The following IQCJ variants were observed in gnomAD, a reference collection of about 807,000 sequenced individuals.
IQCJ encodes IQ domain-containing protein J.
Under a neutral mutation model 11.0 loss-of-function variants are expected in IQCJ, and 9 were observed. The observed-to-expected ratio is 0.82, with a 90% CI of 0.49 to 1.43. IQCJ has a LOEUF of 1.43. Ranked by LOEUF, IQCJ falls within the 40% of genes most tolerant of loss-of-function variation. The pLI is 0.00. For missense variants in IQCJ, 146 were observed against 133.2 expected, an observed-to-expected ratio of 1.10 and a Z score of -0.47; for synonymous variants, 55 against 51.3, an observed-to-expected ratio of 1.07 and a Z score of -0.31.
At chr3:159,132,344 G>A (rs141272170) in intron 1 of IQCJ, among the ~76,000 whole-genome samples, 1 of 152,248 alleles carries the variant, frequency 6.6e-6, no homozygotes, top group African/African-American at 2.4e-5. Context: ...CTTCTCCCAC[G>A]ATATCCAGGC....
chr3:159,209,315 G>A (rs1241538162), intron 1 of IQCJ, among the ~76,000 whole-genome samples: 1 of 152,156 alleles, frequency 6.6e-6, no homozygotes, highest in African/African-American at 2.4e-5. Context: ...AGATGGCTGG[G>A]CTTCAGGGAA....
intron 1 of IQCJ, among the ~76,000 whole-genome samples, chr3:159,089,942 G>A (rs1308716831): frequency 1.3e-5 from 2 of 151,876 alleles, no homozygotes; most frequent in Admixed American, 1.3e-4. Flanking sequence ...TCTCCATCCA[G>A]CTTTGTTCTG....
At chr3:159,190,249 C>G (rs1471298924) in intron 1 of IQCJ, among the ~76,000 whole-genome samples, 1 of 152,190 alleles carries the variant, frequency 6.6e-6, no homozygotes, top group African/African-American at 2.4e-5. Flanking sequence ...ATCCTGGGAT[C>G]TTGCAGTTCT....
At chr3:159,245,340 A>T (rs1727195661) in intron 1 of IQCJ, among the ~76,000 whole-genome samples, 2 of 152,076 alleles carry the variant, frequency 1.3e-5, no homozygotes, top group African/African-American at 4.8e-5. Flanking sequence ...GATAGGAAAC[A>T]TTAGTGAGTA....
chr3:159,126,659 T>A (rs1297289469), intron 1 of IQCJ, among the ~76,000 whole-genome samples: 2 of 152,252 alleles, frequency 1.3e-5, no homozygotes, highest in Non-Finnish European at 2.9e-5. Context: ...ATGTTTCCTC[T>A]TAGGGAATTT....
intron 1 of IQCJ, among the ~76,000 whole-genome samples, chr3:159,122,865 C>T (rs140801155): frequency 2.3e-3 from 355 of 152,238 alleles, no homozygotes; most frequent in African/African-American, 8.3e-3. Context: ...GTTCATCTTT[C>T]TGCATTTTAA....
chr3:159,086,433 GT>G (rs998032719), intron 1 of IQCJ, among the ~76,000 whole-genome samples: 1 of 152,176 alleles, frequency 6.6e-6, no homozygotes, highest in Non-Finnish European at 1.5e-5. Context: ...CTTTAAAGTA[GT>G]TTTTTCCAAT....
intron 1 of IQCJ, among the ~76,000 whole-genome samples, chr3:159,126,960 C>T (rs1290862458): frequency 6.6e-6 from 1 of 152,162 alleles, no homozygotes; most frequent in East Asian, 1.9e-4. Context: ...TGGTTGACAT[C>T]CCCTTGCTGG....
chr3:159,128,923 T>C (rs1035795131), intron 1 of IQCJ, among the ~76,000 whole-genome samples: 2 of 152,206 alleles, frequency 1.3e-5, no homozygotes, highest in Admixed American at 1.3e-4. Context: ...TTCCTGTTTC[T>C]GTCTTTGCTC....
At chr3:159,180,765 T>C (rs1723049411) in intron 1 of IQCJ, among the ~76,000 whole-genome samples, 1 of 151,990 alleles carries the variant, frequency 6.6e-6, no homozygotes, top group Non-Finnish European at 1.5e-5. Context: ...GCAAAATAAG[T>C]AAATAAAAAC....
intron 1 of IQCJ, among the ~76,000 whole-genome samples, chr3:159,219,591 T>G (rs1560030240): frequency 6.6e-6 from 1 of 152,132 alleles, no homozygotes; most frequent in Non-Finnish European, 1.5e-5. Context: ...AAAGGTTACT[T>G]GAAAAGAGAG....
chr3:159,069,740 T>A, intron 1 of IQCJ: 1 of 555,492 alleles, frequency 1.8e-6, no homozygotes, highest in Non-Finnish European at 3.4e-6. Context: ...TCTAGTCAGA[T>A]CTGTAAATAT....
At chr3:159,221,683 C>T (rs1237622902) in intron 1 of IQCJ, among the ~76,000 whole-genome samples, 1 of 152,060 alleles carries the variant, frequency 6.6e-6, no homozygotes, top group East Asian at 1.9e-4. Context: ...AAAGACAAGG[C>T]CCTGCTGTCT....
At chr3:159,252,525 C>T (rs747504336) in intron 2 of IQCJ, among the ~76,000 whole-genome samples, 4 of 151,992 alleles carry the variant, frequency 2.6e-5, no homozygotes, top group Non-Finnish European at 5.9e-5. Flanking sequence ...AAAAGGACAA[C>T]AGAAATAAAA....
intron 1 of IQCJ, among the ~76,000 whole-genome samples, chr3:159,204,938 A>G (rs1304921475): frequency 6.6e-6 from 1 of 152,216 alleles, no homozygotes; most frequent in Admixed American, 6.5e-5. Flanking sequence ...ATGTCCTGCT[A>G]TGGATGTCAG....
In IQCJ at chr3:159,244,127, T is replaced by C. The variant is rs78026265; in HGVS notation, c.10-1716T>C. Among the ~76,000 whole-genome samples, 1,007 of 152,300 alleles carry C rather than the reference T, an allele frequency of 6.6e-3. 8 individuals are homozygous for C. The highest frequency in any genetic ancestry group is 0.023 in the African/African-American group (957 of 41,554). ...CATTTTGGTTTTGAGCTTGACATGCTTGTCAGACATGTACATGGAACTGTC... is the reference window on the plus strand; with the variant it reads ...CATTTTGGTTTTGAGCTTGACATGCCTGTCAGACATGTACATGGAACTGTC... On this transcript the variant is annotated intron_variant, in intron 1 of 3. Coordinates refer to ENST00000397832, the MANE Select transcript of IQCJ (RefSeq NM_001042706.3).
intron 1 of IQCJ, among the ~76,000 whole-genome samples, chr3:159,198,856 G>A (rs1455741921): frequency 6.6e-6 from 1 of 152,168 alleles, no homozygotes; most frequent in African/African-American, 2.4e-5. Context: ...AGAATACATT[G>A]AACAATAGAG....
intron 1 of IQCJ, among the ~76,000 whole-genome samples, chr3:159,175,819 A>C (rs1416604292): frequency 6.6e-6 from 1 of 152,212 alleles, no homozygotes; most frequent in Non-Finnish European, 1.5e-5. Context: ...TGTATGCACT[A>C]GATAAATGTT....
At chr3:159,102,687 T>G (rs976685607) in intron 1 of IQCJ, among the ~76,000 whole-genome samples, 1 of 152,230 alleles carries the variant, frequency 6.6e-6, no homozygotes. Flanking sequence ...TAGTTAGCTT[T>G]GATAGGAGAT....
Sources: gnomAD v4.1 joint callset for allele counts (sites outside exome capture counted in the v4.1 genomes callset) on GRCh38, gnomAD v4.1.1 for gene constraint, MANE v1.5 for transcripts, NCBI Gene and HGNC (gene_info 2026-07-23, HGNC 2026-07-21) for gene names.